STK26: variants seen among roughly 807,000 people sequenced by gnomAD.
STK26 encodes the protein serine/threonine kinase 26, also known as serine/threonine-protein kinase 26.
A neutral mutation model predicts 34.7 loss-of-function variants in STK26; 14 were observed. The ratio of observed to expected loss-of-function variants is 0.40; its 90% CI spans 0.27 to 0.63. STK26 has a LOEUF of 0.63. Among genes scored for constraint, STK26 ranks in the 30% least tolerant of loss-of-function variants. The pLI, the probability that STK26 is intolerant of heterozygous loss-of-function variation, is 0.38. For synonymous variants in STK26, 100 were observed against 109.8 expected, an observed-to-expected ratio of 0.91 and a Z score of 0.56; for missense variants, 226 against 309.1, an observed-to-expected ratio of 0.73 and a Z score of 2.02.
At chrX:132,054,378 T>C (rs747701237) in intron 2 of STK26, among the ~76,000 whole-genome samples, 158 of 112,279 alleles carry the variant, frequency 1.4e-3, no homozygotes, top group Middle Eastern at 4.6e-3. Flanking sequence ...GCACTGGATA[T>C]ATTTGCTGTG....
In STK26 at chrX:132,075,791, A is replaced by C. The variant is rs1217552912; in HGVS notation, c.*1632A>C. 1.1e-4 allele frequency: 12 copies of C among 112,112 alleles called. No individual in the cohort carries two copies. The East Asian group carries it at 3.3e-3, about 31-fold the overall frequency. 9.2% of individuals were successfully genotyped at this position (112,112 alleles called of 1,213,427 possible). On this transcript the variant is annotated 3_prime_UTR_variant, in exon 12 of 12. Transcript: ENST00000394334. ...TAAAAGTAAAAGCAACAAATTTATAAATTGATTATTTGAAACTTTACAACA... is the reference window on the plus strand; with the variant it reads ...TAAAAGTAAAAGCAACAAATTTATACATTGATTATTTGAAACTTTACAACA...
chrX:132,055,280 C>A (rs1033707052), intron 3 of STK26, among the ~76,000 whole-genome samples: 1 of 112,381 alleles, frequency 8.9e-6, no homozygotes, highest in Non-Finnish European at 1.9e-5. Context: ...TCTCCCCCAC[C>A]AGGTTGTGAG....
chrX:132,063,622 C>A (rs1470406579), intron 4 of STK26, 133 bp downstream of exon 4: 22 of 525,518 alleles, frequency 4.2e-5, no homozygotes, highest in Non-Finnish European at 6.1e-5. Context: ...AAATTAAATT[C>A]TTTTTTCATG....
chrX:132,074,112 T>C (rs766447177), intron 11 of STK26, 23 bp from the exon 12 acceptor site: 1 of 1,190,615 alleles, frequency 8.4e-7, no homozygotes, highest in South Asian at 1.8e-5. Context: ...TACATTGGTT[T>C]AAATTTTTTA....
At chrX:132,030,004 C>G (rs1430667805) in intron 2 of STK26, among the ~76,000 whole-genome samples, 1 of 111,917 alleles carries the variant, frequency 8.9e-6, no homozygotes, top group East Asian at 2.8e-4. Flanking sequence ...AATCACTATA[C>G]TGTACAGTGG....
chrX:132,046,000 G>T (rs1158939691), intron 2 of STK26, among the ~76,000 whole-genome samples: 3 of 111,814 alleles, frequency 2.7e-5, no homozygotes, highest in African/African-American at 9.7e-5. Flanking sequence ...TTTGGTTCTT[G>T]CTTGAGGATT....
rs185381755 is a variant in STK26 at position 132,072,686 on chromosome X, G to T, written c.1027-127G>T. 52 of 678,213 alleles carry T rather than the reference G, an allele frequency of 7.7e-5. No homozygotes were observed. The African/African-American group carries it at 1.1e-3, about 14-fold the overall frequency. The allele number at this position is 678,213 out of a possible 1,213,427, so 55.9% of individuals were successfully genotyped here. Reference sequence around the variant, plus strand: ...ATGAATGATAGGAAGAAAGCTTAGAGACTTGCCTTGCATACAATCTTTTGT... The same window carrying T: ...ATGAATGATAGGAAGAAAGCTTAGATACTTGCCTTGCATACAATCTTTTGT... On this transcript the variant is annotated intron_variant, in intron 9 of 11. Coordinates refer to ENST00000394334, the MANE Select transcript of STK26 (RefSeq NM_016542.4).
chrX:132,058,926 TCTTGAGACATATGTATATACA>T (rs1041821826), intron 3 of STK26, among the ~76,000 whole-genome samples: 2 of 106,914 alleles, frequency 1.9e-5, no homozygotes, highest in African/African-American at 6.6e-5. Context: ...TATACATATG[TCTTGAGACATATGTATATACA>T]CACAGAGAAA....
rs767011503 is a variant in STK26 at position 132,039,212 on chromosome X, G to A, written c.43-15419G>A. On this transcript the variant is annotated intron_variant, in intron 2 of 11. Transcript: ENST00000394334. ...TGCATCATGAAATTACAATATAGGT[G>A]TGATCTTGGTTGAAAGATAAAGTAC... is the stretch of plus-strand genomic sequence containing the variant. Among the ~76,000 whole-genome samples the A allele has an allele frequency of 3.8e-4, 42 of 111,169 alleles. No individual in the cohort carries two copies. The South Asian group carries it at 4.6e-3, about 12-fold the overall frequency.
At chrX:132,026,319 A>G (rs1935098820) in intron 2 of STK26, among the ~76,000 whole-genome samples, 1 of 112,108 alleles carries the variant, frequency 8.9e-6, no homozygotes, top group African/African-American at 3.2e-5. Context: ...TGAATTAGTT[A>G]TTCAAACTCA....
chrX:132,067,168 A>C (rs1458843740), intron 4 of STK26, among the ~76,000 whole-genome samples: 1 of 111,865 alleles, frequency 8.9e-6, no homozygotes, highest in African/African-American at 3.3e-5. Flanking sequence ...GTGAGACCAA[A>C]GTATGAGTTC....
rs149095600 is a variant in STK26 at position 132,074,154 on chromosome X, C to T, written c.1246C>T (p.Pro416Ser). ...TTATAGGTGTTCAGCAGACGAATCCCCCTAAGAAACTTATTATTGGCTTCT... is the reference window on the plus strand; with the variant it reads ...TTATAGGTGTTCAGCAGACGAATCCTCCTAAGAAACTTATTATTGGCTTCT... ...KFQKCSADES[P>S] Residue 416 changes from proline (P) to serine (S), a missense_variant, in exon 12 of 12, where the codon CCC (proline) becomes TCC (serine). Transcript: ENST00000394334. The T allele has an allele frequency of 8.3e-7, 1 of 1,203,944 alleles. No homozygotes were observed. The highest frequency in any genetic ancestry group is 1.1e-6 in the Non-Finnish European group (1 of 891,267).
intron 2 of STK26, among the ~76,000 whole-genome samples, chrX:132,034,270 A>G (rs1323228361): frequency 1.0e-5 from 1 of 96,180 alleles, no homozygotes; most frequent in East Asian, 3.6e-4. Flanking sequence ...AGGGCCTTGA[A>G]TGCCAGAATG....
chrX:132,032,829 A>G (rs1414565592), intron 2 of STK26, among the ~76,000 whole-genome samples: 2 of 111,661 alleles, frequency 1.8e-5, no homozygotes, highest in Admixed American at 1.9e-4. Context: ...ATTTCTAAGC[A>G]TGCTAGTGAA....
chrX:132,056,259 G>A (rs902978453), intron 3 of STK26, among the ~76,000 whole-genome samples: 1 of 111,972 alleles, frequency 8.9e-6, no homozygotes, highest in African/African-American at 3.2e-5. Flanking sequence ...CTCTGCAGTT[G>A]ATAGAGCAAT....
At chrX:132,047,126 C>G (rs1926523991) in intron 2 of STK26, among the ~76,000 whole-genome samples, 1 of 111,768 alleles carries the variant, frequency 8.9e-6, no homozygotes. Flanking sequence ...AGTTCTTATT[C>G]TGTCATATGC....
chrX:132,034,708 A>C (rs914905095), intron 2 of STK26, among the ~76,000 whole-genome samples: 2 of 111,609 alleles, frequency 1.8e-5, no homozygotes, highest in Admixed American at 9.5e-5. Flanking sequence ...GGAAGATTGC[A>C]TTAGGCTGTT....
intron 2 of STK26, 64 bp from the exon 3 acceptor site, chrX:132,054,567 C>T: frequency 1.0e-6 from 1 of 1,003,521 alleles, no homozygotes; most frequent in Non-Finnish European, 1.4e-6. Context: ...TATTTTCCTT[C>T]ATTAAAAAAA....
At chrX:132,053,597 A>C (rs949763004) in intron 2 of STK26, among the ~76,000 whole-genome samples, 2 of 112,193 alleles carry the variant, frequency 1.8e-5, no homozygotes, top group South Asian at 7.3e-4. Flanking sequence ...GTAGTAAATG[A>C]ACAGCTATTC....
Sources: gnomAD v4.1 joint callset for allele counts (sites outside exome capture counted in the v4.1 genomes callset) on GRCh38, gnomAD v4.1.1 for gene constraint, MANE v1.5 for transcripts, NCBI Gene and HGNC (gene_info 2026-07-23, HGNC 2026-07-21) for gene names.